CPAMD8: variants seen among roughly 807,000 people sequenced by gnomAD.
CPAMD8 encodes C3 and PZP-like alpha-2-macroglobulin domain-containing protein 8.
A neutral mutation model predicts 224.7 loss-of-function variants in CPAMD8; 146 were observed. The observed-to-expected ratio is 0.65, with a 90% CI of 0.57 to 0.75. The LOEUF is 0.75. Ranked by LOEUF, CPAMD8 falls within the 30% of genes least tolerant of loss-of-function variation. The pLI is 0.00. For missense variants in CPAMD8, 2,301 were observed against 2,537.5 expected (o/e 0.91, Z 2.00); for synonymous variants, 966 against 1,044.6 (o/e 0.92, Z 1.45).
chr19:16,904,176 A>AGGGCCCCCCCCCCCCCCCCGCCCCCCCCC, intron 32 of CPAMD8, 50 bp downstream of exon 32: 1 of 937,340 alleles, frequency 1.1e-6, no homozygotes, highest in Non-Finnish European at 1.7e-6. Context: ...GACTGCAGGG[A>AGGGCCCCCCCCCCCCCCCCGCCCCCCCCC]CCCCACCCAC....
chr19:16,897,152 A>C (rs921241055), intron 39 of CPAMD8, among the ~76,000 whole-genome samples: 2 of 50,696 alleles, frequency 3.9e-5, no homozygotes, highest in Admixed American at 4.5e-4. Context: ...CGCTGACCGC[A>C]CCCACCCTCG....
chr19:16,969,301 T>C (rs192690013), intron 18 of CPAMD8, among the ~76,000 whole-genome samples: 17 of 152,218 alleles, frequency 1.1e-4, no homozygotes, highest in Non-Finnish European at 1.5e-4. Flanking sequence ...CCAGGGAACA[T>C]TGGGCAATGT....
At chr19:16,913,657 A>G (rs1321801257) in intron 29 of CPAMD8, among the ~76,000 whole-genome samples, 1 of 152,144 alleles carries the variant, frequency 6.6e-6, no homozygotes, top group Middle Eastern at 3.2e-3. Context: ...TCAGCATAAG[A>G]ATTTGGTCAG....
chr19:16,954,591 A>G (rs140727561), intron 19 of CPAMD8, among the ~76,000 whole-genome samples: 1 of 152,330 alleles, frequency 6.6e-6, no homozygotes, highest in African/African-American at 2.4e-5. Flanking sequence ...AGCATTATTC[A>G]CAATAGCCAA....
Position 16,921,904 on chromosome 19 carries a change from C to A in CPAMD8, c.3629+1G>T. The stretch of plus-strand genomic sequence containing the variant: ...CAATGCCCAGGGCGGTGGGGACTCA[C>A]CACATGCTCCCCGATGCGTCCCGCT... On this transcript the variant is annotated splice_donor_variant, in intron 27 of 41. Coordinates refer to ENST00000443236, the MANE Select transcript of CPAMD8 (RefSeq NM_015692.5). LOFTEE classifies it high-confidence loss of function. 6.5e-7 allele frequency: 1 copy of A among 1,541,182 alleles called. No individual in the cohort carries two copies. Among genetic ancestry groups the A allele is most frequent in the Non-Finnish European group, 8.7e-7 (1 of 1,144,546 alleles).
intron 13 of CPAMD8, among the ~76,000 whole-genome samples, chr19:16,987,189 T>TAC (rs1568566579): frequency 9.6e-6 from 1 of 103,820 alleles, no homozygotes; most frequent in Non-Finnish European, 1.9e-5. Context: ...AATATATATA[T>TAC]ATATATATAT....
chr19:16,952,002 G>C lies in CPAMD8; in HGVS notation c.2475C>G (p.Leu825=). The C allele has an allele frequency of 1.3e-6, 2 of 1,582,320 alleles. No homozygotes were observed. Among genetic ancestry groups the C allele is most frequent in the Non-Finnish European group, 8.6e-7 (1 of 1,162,886 alleles). Residue 825 remains leucine, a synonymous_variant, in exon 20 of 42, where the codon CTC becomes CTG. Transcript: ENST00000443236. The part of the protein sequence containing the change: ...IIRGEQVKIP[L]SVYNYMGTCA... ...AGGTGCCCATGTAGTTGTAGACACT[G>C]AGCGGGATCTTGACCTGCTCCCCAC...
At chr19:16,908,330 T>C (rs1463108066) in intron 29 of CPAMD8, among the ~76,000 whole-genome samples, 2 of 150,192 alleles carry the variant, frequency 1.3e-5, no homozygotes, top group Non-Finnish European at 3.0e-5. Flanking sequence ...ACCACCGCAC[T>C]CCAGCCTGGG....
chr19:16,921,352 C>G (rs370264042), intron 27 of CPAMD8, among the ~76,000 whole-genome samples: 1 of 152,196 alleles, frequency 6.6e-6, no homozygotes, highest in Admixed American at 6.5e-5. Context: ...GACTCACAGT[C>G]TCAGGTGAAC....
chr19:16,985,524 G>C (rs1360729480), intron 13 of CPAMD8, among the ~76,000 whole-genome samples: 1 of 150,626 alleles, frequency 6.6e-6, no homozygotes, highest in East Asian at 2.0e-4. Context: ...ATGATAAATG[G>C]ATAGGGGTAG....
At chr19:16,926,857 A>G (rs182547253) in intron 25 of CPAMD8, among the ~76,000 whole-genome samples, 1 of 151,308 alleles carries the variant, frequency 6.6e-6, no homozygotes, top group East Asian at 1.9e-4. Context: ...CCCCACATCC[A>G]CTCTGACTTG....
chr19:17,024,700 G>A (rs2057035075), intron 1 of CPAMD8, among the ~76,000 whole-genome samples: 2 of 152,228 alleles, frequency 1.3e-5, no homozygotes, highest in South Asian at 4.1e-4. Context: ...CTGTTGGGAT[G>A]CTTGCCAGCC....
chr19:16,928,029 C>T lies in CPAMD8; in HGVS notation c.3350G>A (p.Arg1117Gln), dbSNP rs1315391248. 9.3e-6 allele frequency: 15 copies of T among 1,613,014 alleles called. No homozygotes were observed. Among genetic ancestry groups the T allele is most frequent in the Admixed American group, 5.0e-5 (3 of 60,010 alleles). Reference protein sequence around the residue: ...VPHGAIPGSERATASIIGDVM... With the variant: ...VPHGAIPGSEQATASIIGDVM... ...CGCACCGATGATGGAGGCGGTGGCT[C>T]GCTCAGACCCAGGGATGGCGCCGTG... Residue 1117 changes from arginine (R) to glutamine (Q), a missense_variant, in exon 25 of 42, where the codon CGA (arginine) becomes CAA (glutamine). By Grantham distance (43) the Arg-to-Gln change is conservative. Coordinates refer to ENST00000443236, the MANE Select transcript of CPAMD8 (RefSeq NM_015692.5).
At chr19:16,902,915 G>T (rs771582207) in intron 34 of CPAMD8, 52 bp from the exon 35 acceptor site, 5 of 1,211,222 alleles carry the variant, frequency 4.1e-6, no homozygotes, top group East Asian at 5.0e-5. Context: ...TCCATAACAG[G>T]TGCAGGGTAG....
Position 16,975,192 on chromosome 19 carries a change from A to G in CPAMD8, c.1975T>C (p.Phe659Leu). The change falls in exon 17 of 42, where the codon TTT becomes CTT. Residue 659 changes from phenylalanine (F) to leucine (L), a missense_variant. Coordinates refer to ENST00000443236, the MANE Select transcript of CPAMD8 (RefSeq NM_015692.5). ...SFGVSREDGP[F>L]WWAGLTAQRR... is the part of the protein sequence containing the mutation. ...TGTGCCGTCAGCCCAGCCCACCAAA[A>G]AGGACCATCCTCCCTGGACACGCCA... The G allele has an allele frequency of 1.9e-6, 3 of 1,611,856 alleles. No homozygotes were observed. Among genetic ancestry groups the G allele is most frequent in the Non-Finnish European group, 2.5e-6 (3 of 1,179,066 alleles).
chr19:16,977,066 T>C (rs1431089591), intron 15 of CPAMD8, among the ~76,000 whole-genome samples: 1 of 150,554 alleles, frequency 6.6e-6, no homozygotes, highest in Non-Finnish European at 1.5e-5. Flanking sequence ...AATAATAAAG[T>C]TGTTGCAGGG....
At position 16,938,445 on chromosome 19, in the gene CPAMD8, G is replaced by T. The variant is rs539938043; in HGVS notation, c.2795C>A (p.Ala932Glu). ...DHVRRSVMVE[A>E]EGVPRAYTYS... ...GGTGTACGCCCGGGGGACTCCTTCC[G>T]CCTGAAACAAAGAAACAAGGAGAAC... Residue 932 changes from alanine to glutamate, a missense_variant and splice_region_variant, in exon 23 of 42, where the codon GCG becomes GAG. Around this residue, in one of 4 missense-constraint regions of CPAMD8, gnomAD observed 1,709 missense variants for 1,753.2 expected, o/e 0.97. Coordinates refer to ENST00000443236, the MANE Select transcript of CPAMD8 (RefSeq NM_015692.5). 7 of 1,573,372 alleles carry T rather than the reference G, an allele frequency of 4.4e-6. No individual in the cohort carries two copies. The African/African-American group carries it at 6.9e-5, about 16-fold the overall frequency.
At chr19:16,949,453 A>G (rs979135117) in intron 20 of CPAMD8, among the ~76,000 whole-genome samples, 2 of 152,178 alleles carry the variant, frequency 1.3e-5, no homozygotes, top group African/African-American at 4.8e-5. Flanking sequence ...AAAGAACGGT[A>G]AAGGATGGAT....
chr19:16,974,593 A>G (rs2055189216), intron 17 of CPAMD8, among the ~76,000 whole-genome samples: 1 of 152,078 alleles, frequency 6.6e-6, no homozygotes, highest in African/African-American at 2.4e-5. Context: ...GACCATTGAC[A>G]TGCATAACAT....
Sources: allele counts gnomAD v4.1 joint callset (sites outside exome capture counted in the v4.1 genomes callset), GRCh38; gene constraint gnomAD v4.1.1; regional missense constraint gnomAD v4.1.1; transcripts MANE v1.5; gene names NCBI Gene and HGNC (gene_info 2026-07-23, HGNC 2026-07-21).